Variants in NLRP14 observed in about 807,000 individuals in gnomAD.
NLRP14 encodes NLR family pyrin domain containing 14.
NLRP14 carries 105 observed loss-of-function variants against 94.7 expected under a neutral mutation model. The ratio of observed to expected loss-of-function variants is 1.11; its 90% confidence interval spans 0.95 to 1.30. The LOEUF (loss-of-function observed/expected upper bound fraction) is 1.30. Among genes scored for constraint, NLRP14 ranks in the 50% most tolerant of loss-of-function variants. NLRP14 has a pLI of 0.00. For synonymous variants in NLRP14, 508 were observed against 459.9 expected, an observed-to-expected ratio of 1.10 and a Z score of -1.34; for missense variants, 1,362 against 1,254.1, an observed-to-expected ratio of 1.09 and a Z score of -1.30.
intron 1 of NLRP14, among the ~76,000 whole-genome samples, chr11:7,037,548 A>G (rs1589859391): frequency 6.6e-6 from 1 of 152,282 alleles, no homozygotes; most frequent in Non-Finnish European, 1.5e-5. Flanking sequence ...AATTCACCAA[A>G]ACAGATTAAG....
At chr11:7,088,966 G>A in the NLRP14 span, 11 of 834,106 alleles carry the variant, frequency 1.3e-5, no homozygotes, top group Admixed American at 7.5e-5. Context: ...GCAGGGGCGC[G>A]CCCTGCAGCG....
At chr11:7,037,863 T>C (rs1852183051) in intron 1 of NLRP14, among the ~76,000 whole-genome samples, 3 of 152,196 alleles carry the variant, frequency 2.0e-5, no homozygotes. Context: ...TGGGAGTTGA[T>C]GTCAAAGACG....
intron 1 of NLRP14, among the ~76,000 whole-genome samples, chr11:7,037,163 T>A (rs1011893984): frequency 6.6e-6 from 1 of 152,240 alleles, no homozygotes; most frequent in Non-Finnish European, 1.5e-5. Flanking sequence ...TCAGAGTTCT[T>A]TTTTGAAGTT....
chr11:7,035,421 T>A (rs1224329279), intron 1 of NLRP14, among the ~76,000 whole-genome samples: 1 of 152,186 alleles, frequency 6.6e-6, no homozygotes, highest in Non-Finnish European at 1.5e-5. Flanking sequence ...TTTGGCAATA[T>A]CTAGAGACAT....
At chr11:7,090,069 G>A in the NLRP14 span, 26 of 1,612,804 alleles carry the variant, frequency 1.6e-5, no homozygotes, top group African/African-American at 5.3e-5. Flanking sequence ...CTACTCACCC[G>A]ATGCCTACAG....
intron 11 of NLRP14, among the ~76,000 whole-genome samples, chr11:7,070,662 C>T (rs537756499): frequency 6.6e-6 from 1 of 152,210 alleles, no homozygotes; most frequent in Admixed American, 6.5e-5. Flanking sequence ...TGGAACCAGC[C>T]TAGATGAGCT....
Position 7,070,445 on chromosome 11 carries a change from A to G in NLRP14, c.3135A>G (p.Leu1045=), listed in dbSNP as rs759900601. ...TCTTGAAGTCTCCTAAGTGTAAACTACAAGTTCTAGGGTAAGTCTCCATTG... is the reference window on the plus strand; with the variant it reads ...TCTTGAAGTCTCCTAAGTGTAAACTGCAAGTTCTAGGGTAAGTCTCCATTG... ...YKVLKSPKCK[L]QVLGLCKEAF... is the part of the protein sequence containing the mutation. The change falls in exon 11 of 12, where the codon CTA becomes CTG. Residue 1045 remains leucine, a synonymous_variant. Transcript: ENST00000299481. The G allele has an allele frequency of 3.1e-6, 5 of 1,610,712 alleles. No homozygotes were observed. Among genetic ancestry groups the G allele is most frequent in the African/African-American group, 1.3e-5 (1 of 74,856 alleles).
Position 7,039,778 on chromosome 11 carries a change from A to C in NLRP14, c.354A>C (p.Ala118=). 6.2e-7 allele frequency: 1 copy of C among 1,613,374 alleles called. No homozygotes were observed. Among genetic ancestry groups the C allele is most frequent in the Non-Finnish European group, 8.5e-7 (1 of 1,179,272 alleles). ...KAGETQEDQE[A]VLGDGTEYRN... ...GAGAGACACAAGAAGATCAGGAGGC[A>C]GTGCTGGGTGAGTAGTTAGGCCTTT... Residue 118 remains alanine (A), a synonymous_variant, in exon 3 of 12, where the codon GCA becomes GCC. Transcript: ENST00000299481.
chr11:7,031,146 C>T (rs141477995), intron 1 of NLRP14, among the ~76,000 whole-genome samples: 1,992 of 152,332 alleles, frequency 0.013, 30 homozygotes, highest in Middle Eastern at 0.068. Context: ...ACAGCAAATG[C>T]CTGTTGATCC....
intron 1 of NLRP14, among the ~76,000 whole-genome samples, chr11:7,021,828 A>G (rs1260666972): frequency 6.6e-6 from 1 of 151,242 alleles, no homozygotes; most frequent in Non-Finnish European, 1.5e-5. Context: ...GCCGCAATTG[A>G]TAGTTGAATT....
At chr11:7,078,977 CG>C in the NLRP14 span, among the ~76,000 whole-genome samples, 1 of 152,144 alleles carries the variant, frequency 6.6e-6, no homozygotes, top group Non-Finnish European at 1.5e-5. Flanking sequence ...ACAGGCACTT[CG>C]TTCTGCTGCA....
At position 7,043,937 on chromosome 11, in the gene NLRP14, G is replaced by A. The variant is rs1261881988; in HGVS notation, c.1911G>A (p.Val637=). The change falls in exon 4 of 12, where the codon GTG becomes GTA. Residue 637 remains valine, a synonymous_variant. Coordinates refer to ENST00000299481, the MANE Select transcript of NLRP14 (RefSeq NM_176822.4). ...CLRTIRLSVT[V]VFEKKILKTS... is the part of the protein sequence containing the mutation. The stretch of plus-strand genomic sequence containing the variant: ...GGACCATCAGGCTGTCTGTAACTGT[G>A]GTATTTGAGAAGAAGATATTAAAAA... 6.2e-7 allele frequency: 1 copy of A among 1,614,148 alleles called. No individual in the cohort carries two copies. The highest frequency in any genetic ancestry group is 8.5e-7 in the Non-Finnish European group (1 of 1,180,010).
the NLRP14 span, among the ~76,000 whole-genome samples, chr11:7,079,671 T>A: frequency 6.6e-6 from 1 of 152,202 alleles, no homozygotes; most frequent in Non-Finnish European, 1.5e-5. Flanking sequence ...GAACTAGCAC[T>A]GAGACAAAAG....
intron 4 of NLRP14, among the ~76,000 whole-genome samples, chr11:7,044,377 G>A (rs117970716): frequency 3.4e-3 from 513 of 152,222 alleles, no homozygotes; most frequent in Middle Eastern, 0.01. Flanking sequence ...TCCAGAATAA[G>A]GGACCAGAAA....
chr11:7,089,714 G>A, the NLRP14 span: 36 of 1,512,300 alleles, frequency 2.4e-5, no homozygotes, highest in Non-Finnish European at 3.0e-5. Context: ...GCCGGGAGCC[G>A]CTGCCCCCGC....
At chr11:7,050,152 G>A (rs926450125) in intron 6 of NLRP14, among the ~76,000 whole-genome samples, 1 of 152,210 alleles carries the variant, frequency 6.6e-6, no homozygotes, top group African/African-American at 2.4e-5. Context: ...TGCTGCAATA[G>A]ATTCGTTGTA....
intron 3 of NLRP14, among the ~76,000 whole-genome samples, chr11:7,041,939 C>T (rs914742412): frequency 2.0e-5 from 3 of 150,464 alleles, no homozygotes; most frequent in Admixed American, 2.0e-4. Context: ...TAACTTTTTA[C>T]TTGTACAAAG....
the NLRP14 span, among the ~76,000 whole-genome samples, chr11:7,077,341 C>T: frequency 5.8e-4 from 89 of 152,348 alleles, no homozygotes; most frequent in African/African-American, 2.0e-3. Flanking sequence ...GCTAGCATTC[C>T]TTCCTTTAGT....
intron 1 of NLRP14, among the ~76,000 whole-genome samples, chr11:7,033,018 A>G (rs1304932092): frequency 1.3e-5 from 2 of 152,134 alleles, no homozygotes; most frequent in African/African-American, 4.8e-5. Context: ...TATAATAGCT[A>G]CTTCATAATC....
Sources: allele counts gnomAD v4.1 joint callset (sites outside exome capture counted in the v4.1 genomes callset), GRCh38; gene constraint gnomAD v4.1.1; transcripts MANE v1.5; gene names NCBI Gene and HGNC (gene_info 2026-07-23, HGNC 2026-07-21).